IFT80: variants seen among roughly 807,000 people sequenced by gnomAD.
The protein encoded by IFT80 is intraflagellar transport protein 80 homolog.
Under a neutral mutation model 107.9 loss-of-function variants are expected in IFT80, and 79 were observed. The ratio of observed to expected loss-of-function variants is 0.73; its 90% CI spans 0.61 to 0.88. The LOEUF (loss-of-function observed/expected upper bound fraction) is 0.88, where lower values mean the gene tolerates loss of function less well. Ranked by LOEUF, IFT80 falls within the 40% of genes least tolerant of loss-of-function variation. IFT80 has a pLI of 0.00. For synonymous variants in IFT80, 299 were observed against 300.9 expected (o/e 0.99, Z 0.07); for missense variants, 797 against 914.2 (o/e 0.87, Z 1.65).
intron 9 of IFT80, among the ~76,000 whole-genome samples, chr3:160,316,029 T>A (rs1438289187): frequency 6.6e-6 from 1 of 152,178 alleles, no homozygotes; most frequent in East Asian, 1.9e-4. Context: ...CTCCATTTAA[T>A]GTGGTTTGGA....
chr3:160,260,293 T>C (rs1295272179), intron 19 of IFT80, among the ~76,000 whole-genome samples: 2 of 152,330 alleles, frequency 1.3e-5, no homozygotes, highest in East Asian at 3.9e-4. Flanking sequence ...TTTGAAAGAC[T>C]CATTTTTTCA....
intron 8 of IFT80, among the ~76,000 whole-genome samples, chr3:160,340,630 CT>C (rs1719825742): frequency 1.3e-5 from 2 of 152,184 alleles, no homozygotes; most frequent in Non-Finnish European, 2.9e-5. Context: ...CTTCCTTCAC[CT>C]TTAAAGCCAG....
intron 8 of IFT80, among the ~76,000 whole-genome samples, chr3:160,354,468 T>G (rs1720924670): frequency 6.6e-6 from 1 of 151,722 alleles, no homozygotes; most frequent in Admixed American, 6.6e-5. Context: ...GCTAACACAG[T>G]GAAACCCCGT....
chr3:160,279,448 G>A (rs371192509), intron 15 of IFT80, 84 bp from the exon 16 acceptor site: 16 of 1,056,964 alleles, frequency 1.5e-5, no homozygotes, highest in South Asian at 1.1e-4. Flanking sequence ...GGAGTGGACC[G>A]TGAAATACAC....
intron 1 of IFT80, among the ~76,000 whole-genome samples, chr3:160,389,577 G>A (rs550019011): frequency 6.9e-5 from 10 of 145,830 alleles, no homozygotes; most frequent in East Asian, 2.1e-4. Flanking sequence ...GAGAATATGC[G>A]GTGTTTGGTT....
At chr3:160,339,830 T>G (rs1189858193) in intron 8 of IFT80, among the ~76,000 whole-genome samples, 4 of 152,218 alleles carry the variant, frequency 2.6e-5, no homozygotes, top group Non-Finnish European at 4.4e-5. Flanking sequence ...TCACTGAACA[T>G]GAACATAACA....
chr3:160,377,471 A>G lies in IFT80; in HGVS notation c.329T>C (p.Leu110Pro). ...KSVEAHCGAV[L>P]AGRWNYEGTA... ...TCCTTCATAATTCCATCTTCCTGCA[A>G]GTACTGCTCCACAGTGAGCTTCTAC... Residue 110 changes from leucine (L) to proline (P), a missense_variant, in exon 4 of 20, where the codon CTT becomes CCT. By Grantham distance (98) the Leu-to-Pro change is moderately conservative (BLOSUM62 -3). Transcript: ENST00000326448. 1.2e-6 allele frequency: 2 copies of G among 1,610,934 alleles called. No individual in the cohort carries two copies.
intron 8 of IFT80, among the ~76,000 whole-genome samples, chr3:160,341,672 G>C (rs1719908042): frequency 1.3e-5 from 2 of 152,082 alleles, no homozygotes. Flanking sequence ...GTACACTTTA[G>C]AGTTGTTAAC....
At chr3:160,331,867 G>A (rs577194080) in intron 8 of IFT80, among the ~76,000 whole-genome samples, 22 of 152,162 alleles carry the variant, frequency 1.4e-4, no homozygotes, top group African/African-American at 5.3e-4. Flanking sequence ...ATGTTGCCCA[G>A]GCTGCTCTTG....
intron 6 of IFT80, among the ~76,000 whole-genome samples, chr3:160,358,444 C>G (rs558695766): frequency 6.6e-6 from 1 of 152,310 alleles, no homozygotes; most frequent in Non-Finnish European, 1.5e-5. Flanking sequence ...CTGGACTACT[C>G]TGAGAAACTT....
At chr3:160,375,740 C>T (rs1490933237) in intron 5 of IFT80, 72 bp downstream of exon 5, 8 of 1,024,104 alleles carry the variant, frequency 7.8e-6, no homozygotes, top group Middle Eastern at 2.0e-4. Flanking sequence ...TAGATTGTTT[C>T]TAAAGGAAAA....
intron 1 of IFT80, among the ~76,000 whole-genome samples, chr3:160,396,941 T>C (rs1427302704): frequency 1.3e-5 from 2 of 152,240 alleles, no homozygotes; most frequent in Non-Finnish European, 2.9e-5. Context: ...TTATACAACC[T>C]GGTTTATGCC....
At chr3:160,378,429 C>A (rs551700815) in intron 3 of IFT80, among the ~76,000 whole-genome samples, 3 of 151,910 alleles carry the variant, frequency 2.0e-5, no homozygotes, top group African/African-American at 7.2e-5. Flanking sequence ...TAGCTCTGTC[C>A]ATTGAAAGGG....
intron 1 of IFT80, among the ~76,000 whole-genome samples, chr3:160,393,222 G>A (rs1285779779): frequency 2.6e-5 from 4 of 152,110 alleles, no homozygotes; most frequent in Non-Finnish European, 5.9e-5. Flanking sequence ...AACCATCATA[G>A]TCTGAGACTG....
At chr3:160,373,640 T>G (rs914418799) in intron 5 of IFT80, 3 of 169,528 alleles carry the variant, frequency 1.8e-5, no homozygotes, top group Non-Finnish European at 3.7e-5. Context: ...GTGGGAGCCC[T>G]GAACTTGTTT....
chr3:160,290,394 C>T (rs79329172), intron 12 of IFT80, among the ~76,000 whole-genome samples: 2,096 of 136,836 alleles, frequency 0.015, 46 homozygotes, highest in African/African-American at 0.055. Flanking sequence ...GGCAACAGCG[C>T]GAGACTGTCT....
Position 160,290,535 on chromosome 3 carries a change from G to A in IFT80, c.1316-4667C>T, listed in dbSNP as rs11914851. ...AGGTGAAAGTTTTGGATGAAAATTC[G>A]TATATTTAAAACAAGCTTTGGTGTT... On this transcript the variant is annotated intron_variant, in intron 12 of 19. Transcript: ENST00000326448. 1.4e-3 allele frequency among the ~76,000 whole-genome samples: 215 copies of A among 151,998 alleles called. 1 individual carries two copies. Among genetic ancestry groups the A allele is most frequent in the African/African-American group, 4.7e-3 (193 of 41,476 alleles).
intron 12 of IFT80, among the ~76,000 whole-genome samples, chr3:160,292,624 T>A (rs1285028494): frequency 6.6e-6 from 1 of 151,736 alleles, no homozygotes; most frequent in Non-Finnish European, 1.5e-5. Flanking sequence ...GGATTACAGG[T>A]GCACACCACC....
chr3:160,367,628 T>C (rs571200058), intron 5 of IFT80, among the ~76,000 whole-genome samples: 4 of 152,086 alleles, frequency 2.6e-5, no homozygotes, highest in Admixed American at 6.6e-5. Context: ...ATAACTAGCA[T>C]AAAGTTTACT....
Sources: gnomAD v4.1 joint callset for allele counts (sites outside exome capture counted in the v4.1 genomes callset) on GRCh38, gnomAD v4.1.1 for gene constraint, MANE v1.5 for transcripts, NCBI Gene and HGNC (gene_info 2026-07-23, HGNC 2026-07-21) for gene names.